Variants in IL1RN observed in about 807,000 individuals in gnomAD.
IL1RN encodes the protein interleukin-1 receptor antagonist protein.
In IL1RN, 10 loss-of-function variants were observed where a neutral mutation model predicts 13.7. The observed-to-expected ratio is 0.73, with a 90% CI of 0.45 to 1.24. IL1RN has a LOEUF of 1.24. IL1RN is among the 50% of genes most tolerant of loss of function. The pLI is 0.00. For synonymous variants in IL1RN, 102 were observed against 82.7 expected (o/e 1.23, Z -1.27); for missense variants, 213 against 222.1 (o/e 0.96, Z 0.26).
chr2:113,112,151 T>C (rs560123852), intron 1 of IL1RN, among the ~76,000 whole-genome samples: 1 of 152,340 alleles, frequency 6.6e-6, no homozygotes, highest in South Asian at 2.1e-4. Context: ...TCCCATGGTC[T>C]GAATGCTTCT....
upstream of IL1RN, among the ~76,000 whole-genome samples, chr2:113,113,636 T>C (rs1686539860): frequency 1.3e-5 from 2 of 152,166 alleles, no homozygotes; most frequent in African/African-American, 4.8e-5. Flanking sequence ...CAAAAGGTGA[T>C]GGATATGTTT....
chr2:113,132,528 G>A, intron 3 of IL1RN, 128 bp from the exon 4 acceptor site: 1 of 801,748 alleles, frequency 1.2e-6, no homozygotes, highest in Admixed American at 2.0e-5. Context: ...GGGGCTTTTA[G>A]GGTATGGCAT....
intron 2 of IL1RN, chr2:113,130,202 GT>G (rs1219298023): frequency 3.0e-5 from 5 of 166,388 alleles, no homozygotes; most frequent in African/African-American, 4.8e-5. Flanking sequence ...GATTCTTTTA[GT>G]TCCAGCCTTC....
chr2:113,129,837 G>A lies in IL1RN; in HGVS notation c.205+173G>A, dbSNP rs1398386401. 9.7e-5 allele frequency: 61 copies of A among 630,102 alleles called. No individual in the cohort carries two copies. In the East Asian group the frequency reaches 1.7e-3, roughly 18 times the overall value. 39.0% of individuals were successfully genotyped at this position (630,102 alleles called of 1,614,324 possible). A position where few individuals can be genotyped will look rare whatever the true frequency, so the allele number is the denominator to read the frequency against. On this transcript the variant is annotated intron_variant, in intron 2 of 3. Coordinates refer to ENST00000409930, the MANE Select transcript of IL1RN (RefSeq NM_173842.3). ...CCTGGCTACTGAAGGGCACATATGA[G>A]GGCAGCCTGAAGAGGGTGTGGAGAG...
upstream of IL1RN, among the ~76,000 whole-genome samples, chr2:113,116,433 G>A (rs760081538): frequency 3.9e-5 from 6 of 151,908 alleles, no homozygotes; most frequent in South Asian, 2.1e-4. Flanking sequence ...GAGCCAAGGC[G>A]GAAGAGAACA....
chr2:113,121,822 T>C (rs1441863818), intron 2 of IL1RN, among the ~76,000 whole-genome samples: 1 of 152,176 alleles, frequency 6.6e-6, no homozygotes, highest in Non-Finnish European at 1.5e-5. Context: ...TTAGGGAGCT[T>C]CTAATAAGTT....
intron 3 of IL1RN, 31 bp from the exon 4 acceptor site, chr2:113,132,625 A>G: frequency 1.3e-6 from 2 of 1,598,204 alleles, no homozygotes; most frequent in Non-Finnish European, 1.7e-6. Context: ...CCTAGGCCTC[A>G]GCTCTCACCT....
chr2:113,132,878 C>T lies in IL1RN; in HGVS notation c.*7C>T, dbSNP rs777638047. ...CTTCCAGGAGGACGAGTAGTACTGC[C>T]CAGGCCTGCCTGTTCCCATTCTTGC... On this transcript the variant is annotated 3_prime_UTR_variant, in exon 4 of 4. Transcript: ENST00000409930. 1 of 1,612,682 alleles carries T rather than the reference C, an allele frequency of 6.2e-7. No individual in the cohort carries two copies. Among genetic ancestry groups the T allele is most frequent in the South Asian group, 1.1e-5 (1 of 91,022 alleles).
At chr2:113,124,938 G>T (rs1686904861), upstream of IL1RN, among the ~76,000 whole-genome samples, 1 of 152,158 alleles carries the variant, frequency 6.6e-6, no homozygotes, top group African/African-American at 2.4e-5. Context: ...TTCTCCAGGA[G>T]AATACTCTCT....
chr2:113,117,480 T>C (rs894746258), upstream of IL1RN: 3 of 161,086 alleles, frequency 1.9e-5, no homozygotes, highest in Admixed American at 1.7e-4. Context: ...TATAGCAATA[T>C]GCCCTATGAA....
chr2:113,113,508 A>G (rs921550418), upstream of IL1RN, among the ~76,000 whole-genome samples: 2 of 152,204 alleles, frequency 1.3e-5, no homozygotes, highest in African/African-American at 4.8e-5. Context: ...AATATATCAC[A>G]TAGTACCTAT....
intron 1 of IL1RN, among the ~76,000 whole-genome samples, chr2:113,112,226 C>T (rs1630153): frequency 0.6 from 91,760 of 152,034 alleles, 28,464 homozygotes; most frequent in Non-Finnish European, 0.69. Flanking sequence ...ACATTTGGGG[C>T]GGAGCTTCCG....
chr2:113,115,383 G>A (rs972000296), upstream of IL1RN: 11 of 152,048 alleles, frequency 7.2e-5, no homozygotes, highest in African/African-American at 2.4e-4. Context: ...GGCTTCACCT[G>A]TGACTGTCTC....
upstream of IL1RN, among the ~76,000 whole-genome samples, chr2:113,109,207 G>A (rs750942332): frequency 2.8e-4 from 42 of 152,108 alleles, no homozygotes; most frequent in Admixed American, 5.9e-4. Context: ...GAGGTCAGGA[G>A]TTCGAGACCA....
exon 1 of IL1RN, chr2:113,117,944 C>A: frequency 1.1e-6 from 1 of 926,238 alleles, no homozygotes; most frequent in Non-Finnish European, 1.8e-6. Flanking sequence ...CCGGGTGCTA[C>A]TTTATGGGCA....
At chr2:113,099,982 C>T in the IL1RN span, among the ~76,000 whole-genome samples, 1 of 139,846 alleles carries the variant, frequency 7.2e-6, no homozygotes, top group East Asian at 2.2e-4. Context: ...GATCCGCCCG[C>T]CTCGGCCTCC....
chr2:113,118,161 G>A, intron 1 of IL1RN: 2 of 1,406,258 alleles, frequency 1.4e-6, no homozygotes, highest in Non-Finnish European at 2.0e-6. Flanking sequence ...GGAGCTCCAG[G>A]CCTGTCTGGG....
chr2:113,122,761 A>G (rs955011474), upstream of IL1RN, among the ~76,000 whole-genome samples: 2 of 152,172 alleles, frequency 1.3e-5, no homozygotes, highest in African/African-American at 4.8e-5. Flanking sequence ...CAACTTTTCA[A>G]ATCACTTTTC....
chr2:113,102,897 C>A (rs1050168833), upstream of IL1RN, among the ~76,000 whole-genome samples: 1 of 152,228 alleles, frequency 6.6e-6, no homozygotes, highest in East Asian at 1.9e-4. Flanking sequence ...TTCAGGCCAT[C>A]TGGATGTATA....
Sources: allele counts gnomAD v4.1 joint callset (sites outside exome capture counted in the v4.1 genomes callset), GRCh38; gene constraint gnomAD v4.1.1; transcripts MANE v1.5; gene names NCBI Gene and HGNC (gene_info 2026-07-23, HGNC 2026-07-21).